Variants in PRKCB observed in about 807,000 individuals in gnomAD.
PRKCB encodes protein kinase C beta type.
In PRKCB, 13 loss-of-function variants were observed where a neutral mutation model predicts 81.5. The observed-to-expected ratio is 0.16, with a 90% CI of 0.10 to 0.25. The LOEUF (loss-of-function observed/expected upper bound fraction) is 0.25. Among genes scored for constraint, PRKCB ranks in the 10% least tolerant of loss-of-function variants. PRKCB has a pLI of 1.00. For synonymous variants in PRKCB, 335 were observed against 321.4 expected (o/e 1.04, Z -0.45); for missense variants, 509 against 875.7 (o/e 0.58, Z 5.29).
At chr16:23,993,254 A>T (rs1264853507) in intron 3 of PRKCB, among the ~76,000 whole-genome samples, 2 of 152,228 alleles carry the variant, frequency 1.3e-5, no homozygotes, top group African/African-American at 4.8e-5. Flanking sequence ...GGTGGAAGTA[A>T]CATGAAGTTG....
intron 2 of PRKCB, among the ~76,000 whole-genome samples, chr16:23,969,670 G>A (rs866641244): frequency 6.6e-6 from 1 of 152,010 alleles, no homozygotes. Flanking sequence ...TGCCATCATC[G>A]TCATCATCAT....
At chr16:24,014,045 T>C (rs1280119453) in intron 3 of PRKCB, among the ~76,000 whole-genome samples, 1 of 152,200 alleles carries the variant, frequency 6.6e-6, no homozygotes, top group South Asian at 2.1e-4. Context: ...ATACAGAGGA[T>C]CTTTCTGCTC....
At chr16:24,140,112 G>A (rs531367012) in intron 9 of PRKCB, among the ~76,000 whole-genome samples, 14 of 152,256 alleles carry the variant, frequency 9.2e-5, no homozygotes, top group South Asian at 2.1e-4. Flanking sequence ...ACATGACTTC[G>A]CATCAGACTG....
chr16:23,929,197 G>T (rs1362461894), intron 2 of PRKCB, among the ~76,000 whole-genome samples: 1 of 152,142 alleles, frequency 6.6e-6, no homozygotes, highest in Non-Finnish European at 1.5e-5. Context: ...AATCTAGGCG[G>T]CCGAAGGACA....
intron 2 of PRKCB, among the ~76,000 whole-genome samples, chr16:23,926,433 G>A (rs958396244): frequency 3.3e-5 from 5 of 150,898 alleles, no homozygotes; most frequent in Non-Finnish European, 3.0e-5. Flanking sequence ...GCAGTGAGCC[G>A]AGATTGCCCC....
At chr16:23,932,064 A>C (rs1259799775) in intron 2 of PRKCB, among the ~76,000 whole-genome samples, 2 of 152,220 alleles carry the variant, frequency 1.3e-5, no homozygotes, top group Admixed American at 1.3e-4. Context: ...AATTTACAGG[A>C]AATACAGAGA....
intron 7 of PRKCB, among the ~76,000 whole-genome samples, chr16:24,110,559 C>T (rs1416425249): frequency 7.0e-6 from 1 of 142,848 alleles, no homozygotes; most frequent in African/African-American, 2.8e-5. Flanking sequence ...CTTTGTCACC[C>T]AGGCTGGAGT....
intron 5 of PRKCB, among the ~76,000 whole-genome samples, chr16:24,091,329 A>G (rs117343033): frequency 0.014 from 2,127 of 152,266 alleles, 20 homozygotes; most frequent in Non-Finnish European, 0.023. Flanking sequence ...TCCTGATAGG[A>G]GTCATTATGT....
At chr16:23,901,801 T>C (rs1254945112) in intron 2 of PRKCB, among the ~76,000 whole-genome samples, 4 of 152,174 alleles carry the variant, frequency 2.6e-5, no homozygotes, top group Admixed American at 2.6e-4. Flanking sequence ...CACCCTGCAA[T>C]GATCATTCCC....
chr16:24,057,731 C>T (rs1490317883), intron 5 of PRKCB, among the ~76,000 whole-genome samples: 1 of 152,006 alleles, frequency 6.6e-6, no homozygotes, highest in Non-Finnish European at 1.5e-5. Context: ...AGGCAGTGGA[C>T]TTAGTTCTGG....
At chr16:23,869,328 A>G (rs1245214343) in intron 2 of PRKCB, 2 of 313,012 alleles carry the variant, frequency 6.4e-6, no homozygotes, top group Non-Finnish European at 1.3e-5. Context: ...AGAGCCACAG[A>G]CAACTGCAGT....
At chr16:23,876,040 T>A (rs1963009060) in intron 2 of PRKCB, among the ~76,000 whole-genome samples, 1 of 152,216 alleles carries the variant, frequency 6.6e-6, no homozygotes, top group South Asian at 2.1e-4. Flanking sequence ...GGCGTTTATG[T>A]TTGCCACTCT....
chr16:23,978,408 C>T (rs1312427936), intron 2 of PRKCB, among the ~76,000 whole-genome samples: 1 of 152,190 alleles, frequency 6.6e-6, no homozygotes, highest in African/African-American at 2.4e-5. Context: ...GAACTGTCGT[C>T]TGTCCTGCAG....
rs1409763228 is a variant in PRKCB at position 24,216,051 on chromosome 16, C to T, written c.*1235C>T. ...AAGGAAAACTGCTCTTTTTGAGAAA[C>T]GTGGACCTAAACTACAAAGTGGGAA... On this transcript the variant is annotated 3_prime_UTR_variant, in exon 17 of 17. Transcript: ENST00000643927. The T allele has an allele frequency of 2.6e-5, 26 of 983,664 alleles. 1 individual carries two copies. Among genetic ancestry groups the T allele is most frequent in the African/African-American group, 1.1e-4 (6 of 56,816 alleles). The allele number at this position is 983,664 out of a possible 1,614,324, so 60.9% of individuals were successfully genotyped here.
At chr16:24,067,986 G>A (rs1041305036) in intron 5 of PRKCB, among the ~76,000 whole-genome samples, 3 of 151,414 alleles carry the variant, frequency 2.0e-5, no homozygotes, top group African/African-American at 7.3e-5. Context: ...TGAGGAAGAG[G>A]TTATTTTCCA....
At chr16:24,056,700 C>T (rs1012528923) in intron 5 of PRKCB, among the ~76,000 whole-genome samples, 4 of 152,086 alleles carry the variant, frequency 2.6e-5, no homozygotes, top group African/African-American at 9.7e-5. Context: ...TTCTTGTTCC[C>T]GCTCCTACCA....
chr16:23,937,923 A>G (rs150353606), intron 2 of PRKCB, among the ~76,000 whole-genome samples: 14 of 152,308 alleles, frequency 9.2e-5, no homozygotes, highest in African/African-American at 2.9e-4. Context: ...CGTTAGGTGC[A>G]TAGAAGAGAC....
intron 10 of PRKCB, among the ~76,000 whole-genome samples, chr16:24,167,206 A>C (rs1228737263): frequency 6.6e-6 from 1 of 151,096 alleles, no homozygotes; most frequent in African/African-American, 2.4e-5. Flanking sequence ...TACTGTCTGC[A>C]TTTTGCCACC....
At chr16:24,009,464 G>T (rs1174406277) in intron 3 of PRKCB, among the ~76,000 whole-genome samples, 15 of 142,438 alleles carry the variant, frequency 1.1e-4, no homozygotes, top group Non-Finnish European at 1.8e-4. Context: ...TTGCTCTGTT[G>T]CCCAGGCTGG....
Sources: allele counts gnomAD v4.1 joint callset (sites outside exome capture counted in the v4.1 genomes callset), GRCh38; gene constraint gnomAD v4.1.1; transcripts MANE v1.5; gene names NCBI Gene and HGNC (gene_info 2026-07-23, HGNC 2026-07-21).